The following HERC3 variants were observed in gnomAD, a reference collection of about 807,000 sequenced individuals.
The protein encoded by HERC3 is probable E3 ubiquitin-protein ligase HERC3.
HERC3 carries 58 observed loss-of-function variants against 129.9 expected under a neutral mutation model. The ratio of observed to expected loss-of-function variants is 0.45; its 90% CI spans 0.36 to 0.56. HERC3 has a LOEUF of 0.56. Among genes scored for constraint, HERC3 ranks in the 20% least tolerant of loss-of-function variants. The pLI is 0.00. For missense variants in HERC3, 835 were observed against 1,244.2 expected (o/e 0.67, Z 4.95); for synonymous variants, 430 against 451.0 (o/e 0.95, Z 0.59).
chr4:88,581,506 A>C, the HERC3 span, among the ~76,000 whole-genome samples: 2 of 151,292 alleles, frequency 1.3e-5, no homozygotes, highest in Non-Finnish European at 2.9e-5. Flanking sequence ...GGGTTTTGCC[A>C]TGCTTGCCAG....
chr4:88,598,823 T>C (rs770620734), intron 2 of HERC3, among the ~76,000 whole-genome samples: 1 of 152,154 alleles, frequency 6.6e-6, no homozygotes, highest in Non-Finnish European at 1.5e-5. Flanking sequence ...TTACCAAGAA[T>C]AGATGAGAAG....
the HERC3 span, among the ~76,000 whole-genome samples, chr4:88,567,434 A>T: frequency 6.6e-6 from 1 of 151,862 alleles, no homozygotes; most frequent in Admixed American, 6.6e-5. Flanking sequence ...CCCTTTTCAG[A>T]CCATTTTCTA....
At chr4:88,533,313 C>T in the HERC3 span, among the ~76,000 whole-genome samples, 12 of 152,176 alleles carry the variant, frequency 7.9e-5, no homozygotes, top group Admixed American at 1.3e-4. Context: ...GAGTCTGCGT[C>T]TCCCAGTCCA....
At chr4:88,566,528 A>G in the HERC3 span, among the ~76,000 whole-genome samples, 1 of 152,170 alleles carries the variant, frequency 6.6e-6, no homozygotes, top group Non-Finnish European at 1.5e-5. Flanking sequence ...AGATATGTGT[A>G]GTTTACATAC....
the HERC3 span, among the ~76,000 whole-genome samples, chr4:88,551,106 C>T: frequency 6.7e-6 from 1 of 149,896 alleles, no homozygotes; most frequent in Non-Finnish European, 1.5e-5. Flanking sequence ...AACTGGATCC[C>T]TTCCTTACAC....
chr4:88,534,520 C>G, the HERC3 span, among the ~76,000 whole-genome samples: 142 of 151,892 alleles, frequency 9.3e-4, no homozygotes, highest in African/African-American at 2.7e-3. Context: ...TTCCAGTCCT[C>G]TTCCCTCTAC....
chr4:88,696,279 T>C (rs1734589632), intron 23 of HERC3: 2 of 152,708 alleles, frequency 1.3e-5, no homozygotes, highest in South Asian at 4.1e-4. Flanking sequence ...TTCTGATGAT[T>C]TTCACAGCTA....
At chr4:88,621,208 G>A (rs1725481165) in intron 3 of HERC3, among the ~76,000 whole-genome samples, 1 of 152,094 alleles carries the variant, frequency 6.6e-6, no homozygotes, top group Admixed American at 6.5e-5. Flanking sequence ...CTGGGTTCAA[G>A]CGATTCTCCT....
rs549596371 is a variant in HERC3, at chr4:88,707,295, A to G, written c.*335A>G. On this transcript the variant is annotated 3_prime_UTR_variant, in exon 26 of 26. Transcript: ENST00000402738. ...GGATTTTTAAACTTTAATTTCCCAAATGTCTCTCTCAGCCCTGATGTTTTC... is the reference window on the plus strand; with the variant it reads ...GGATTTTTAAACTTTAATTTCCCAAGTGTCTCTCTCAGCCCTGATGTTTTC... 2.9e-5 allele frequency: 8 copies of G among 275,668 alleles called. No individual in the cohort carries two copies. In the South Asian group the frequency reaches 3.0e-4, roughly 10 times the overall value. The allele number at this position is 275,668 out of a possible 1,614,324, so 17.1% of individuals were successfully genotyped here. A position where few individuals can be genotyped will look rare whatever the true frequency, so the allele number is the denominator to read the frequency against.
chr4:88,625,642 T>C (rs921554910), intron 3 of HERC3, among the ~76,000 whole-genome samples: 1 of 152,182 alleles, frequency 6.6e-6, no homozygotes, highest in Non-Finnish European at 1.5e-5. Context: ...TCTTGCCTTA[T>C]TTCACTTGGC....
intron 3 of HERC3, among the ~76,000 whole-genome samples, chr4:88,621,156 G>A (rs1482844829): frequency 6.6e-6 from 1 of 152,076 alleles, no homozygotes; most frequent in Admixed American, 6.5e-5. Flanking sequence ...CACCCAGCTG[G>A]AGTGCAGTGG....
intron 3 of HERC3, among the ~76,000 whole-genome samples, chr4:88,627,412 A>T (rs148559328): frequency 6.6e-6 from 1 of 152,202 alleles, no homozygotes; most frequent in African/African-American, 2.4e-5. Context: ...ATTAGGTATT[A>T]TAAGTAATTT....
At chr4:88,666,188 G>A (rs934442125) in intron 12 of HERC3, among the ~76,000 whole-genome samples, 2 of 152,132 alleles carry the variant, frequency 1.3e-5, no homozygotes, top group Admixed American at 6.5e-5. Context: ...CACAGATTTC[G>A]TATAGAGTTG....
chr4:88,652,148 C>CT, intron 5 of HERC3, 60 bp downstream of exon 5: 1 of 1,280,036 alleles, frequency 7.8e-7, no homozygotes, highest in East Asian at 2.3e-5. Flanking sequence ...TTCTCTTTGT[C>CT]TTTTTGTGTG....
At chr4:88,541,943 A>G in the HERC3 span, among the ~76,000 whole-genome samples, 2 of 152,240 alleles carry the variant, frequency 1.3e-5, no homozygotes, top group Non-Finnish European at 2.9e-5. Flanking sequence ...ACACATTTAA[A>G]GCAGTGTGTG....
At chr4:88,660,240 C>T (rs115009978) in intron 10 of HERC3, among the ~76,000 whole-genome samples, 4,175 of 151,144 alleles carry the variant, frequency 0.028, 77 homozygotes, top group South Asian at 0.044. Context: ...CTTGCTTTGT[C>T]GCCCAGGCTG....
the HERC3 span, among the ~76,000 whole-genome samples, chr4:88,582,471 C>T: frequency 1.3e-5 from 2 of 152,198 alleles, no homozygotes; most frequent in Admixed American, 1.3e-4. Flanking sequence ...CCCTGACCTG[C>T]TGTTCCCCAT....
At chr4:88,612,639 T>G (rs1232303479) in intron 3 of HERC3, among the ~76,000 whole-genome samples, 1 of 152,144 alleles carries the variant, frequency 6.6e-6, no homozygotes, top group Non-Finnish European at 1.5e-5. Context: ...GACATATACC[T>G]CATCCCTCCC....
intron 3 of HERC3, among the ~76,000 whole-genome samples, chr4:88,644,549 A>C (rs939753414): frequency 5.9e-5 from 9 of 152,200 alleles, no homozygotes; most frequent in Non-Finnish European, 1.2e-4. Flanking sequence ...CAGCATAAAA[A>C]ACTCAAAACT....
Sources: gnomAD v4.1 joint callset for allele counts (sites outside exome capture counted in the v4.1 genomes callset) on GRCh38, gnomAD v4.1.1 for gene constraint, MANE v1.5 for transcripts, NCBI Gene and HGNC (gene_info 2026-07-23, HGNC 2026-07-21) for gene names.